Variants in ABCC6 observed in about 807,000 individuals in gnomAD.
The protein encoded by ABCC6 is ATP-binding cassette sub-family C member 6.
A neutral mutation model predicts 169.5 loss-of-function variants in ABCC6; 126 were observed. That is an observed-to-expected ratio of 0.74 (90% CI 0.64 to 0.86). The LOEUF is 0.86. ABCC6 is among the 40% of genes least tolerant of loss of function. The probability of loss-of-function intolerance (pLI) is 0.00; values close to 1 mark genes in which losing one functional copy is unlikely to be tolerated. For missense variants in ABCC6, 1,733 were observed against 1,927.2 expected (o/e 0.90, Z 1.89); for synonymous variants, 752 against 814.7 (o/e 0.92, Z 1.31).
At chr16:16,203,648 T>G in intron 7 of ABCC6, 35 bp from the exon 8 acceptor site, 1 of 1,611,636 alleles carries the variant, frequency 6.2e-7, no homozygotes, top group Non-Finnish European at 8.5e-7. Context: ...CTGGGTCCCA[T>G]TTTATACTCT....
At chr16:16,210,736 C>A (rs376988895) in intron 6 of ABCC6, among the ~76,000 whole-genome samples, 7,093 of 152,226 alleles carry the variant, frequency 0.047, 205 homozygotes, top group African/African-American at 0.084. Flanking sequence ...AGAGCTGTTT[C>A]GAAAACCTCT....
chr16:16,193,607 G>C (rs941641980), intron 10 of ABCC6, among the ~76,000 whole-genome samples: 2 of 152,120 alleles, frequency 1.3e-5, no homozygotes, highest in Non-Finnish European at 2.9e-5. Flanking sequence ...CCAGCTACTC[G>C]AGAGGCTGAG....
intron 23 of ABCC6, 51 bp from the exon 24 acceptor site, chr16:16,163,243 G>C: frequency 1.3e-6 from 2 of 1,571,334 alleles, no homozygotes; most frequent in Non-Finnish European, 1.7e-6. Flanking sequence ...GACATAGAGA[G>C]GTAGTTTCCA....
At chr16:16,151,620 G>A (rs1289950679) in intron 29 of ABCC6, among the ~76,000 whole-genome samples, 1 of 152,190 alleles carries the variant, frequency 6.6e-6, no homozygotes, top group Non-Finnish European at 1.5e-5. Flanking sequence ...TGCCTGGCCT[G>A]TTTATGGCTA....
At chr16:16,178,723 C>G in intron 18 of ABCC6, 75 bp downstream of exon 18, 1 of 1,565,010 alleles carries the variant, frequency 6.4e-7, no homozygotes, top group Non-Finnish European at 8.8e-7. Context: ...GTGAGATAAA[C>G]TTGGGTTAGG....
chr16:16,185,758 C>G (rs761218710), intron 14 of ABCC6, among the ~76,000 whole-genome samples: 1 of 148,360 alleles, frequency 6.7e-6, no homozygotes. Context: ...GCACTCCAGC[C>G]TGGATGACGG....
chr16:16,195,266 G>A (rs2047995107), intron 10 of ABCC6, among the ~76,000 whole-genome samples: 1 of 148,914 alleles, frequency 6.7e-6, no homozygotes, highest in South Asian at 2.1e-4. Context: ...AAAGTAACAT[G>A]GTGCATTATC....
chr16:16,161,354 G>T (rs759660760), intron 25 of ABCC6, 84 bp downstream of exon 25: 1 of 1,596,664 alleles, frequency 6.3e-7, no homozygotes, highest in Admixed American at 1.7e-5. Context: ...TGGACACAGG[G>T]TCTTCAAAGG....
intron 21 of ABCC6, among the ~76,000 whole-genome samples, chr16:16,171,615 T>C (rs2047072956): frequency 6.6e-6 from 1 of 151,996 alleles, no homozygotes; most frequent in African/African-American, 2.4e-5. Context: ...GATGGAAAGA[T>C]CAATGAATGG....
At chr16:16,193,059 G>GT in intron 10 of ABCC6, 137 bp from the exon 11 acceptor site, 1 of 706,160 alleles carries the variant, frequency 1.4e-6, no homozygotes. Context: ...TTCCCAGACG[G>GT]TTAGGGTATT....
chr16:16,209,716 G>A (rs996890133), intron 6 of ABCC6, among the ~76,000 whole-genome samples: 3 of 151,866 alleles, frequency 2.0e-5, no homozygotes, highest in Non-Finnish European at 2.9e-5. Context: ...CGATTCTCAC[G>A]CCTCAGCCTT....
chr16:16,178,908 T>C lies in ABCC6; in HGVS notation c.2305A>G (p.Arg769Gly). 1 of 1,613,764 alleles carries C rather than the reference T, an allele frequency of 6.2e-7. No individual in the cohort carries two copies. Among genetic ancestry groups the C allele is most frequent in the Non-Finnish European group, 8.5e-7 (1 of 1,180,024 alleles). The change falls in exon 18 of 31, where the codon AGA becomes GGA. Residue 769 changes from arginine (R) to glycine (G), a missense_variant. Arg to Gly is a moderately radical substitution (Grantham distance 125). This residue lies in a region of ABCC6 where 1,601 missense variants were observed against 1,635.5 expected (regional missense o/e 0.98). Coordinates refer to ENST00000205557, the MANE Select transcript of ABCC6 (RefSeq NM_001171.6). ...QRLSLARAVY[R>G]KAAVYLLDDP... ...TCCAGCAGGTACACAGCTGCCTTTC[T>C]GTATACAGCCCGGGCCAGGCTCAGC...
In ABCC6 at chr16:16,163,102, C is replaced by A. The variant is rs63749807; in HGVS notation, c.3397G>T (p.Gly1133Cys). Residue 1133 changes from glycine to cysteine, a missense_variant, in exon 24 of 31, where the codon GGC becomes TGC. This residue lies in a region of ABCC6 where 1,601 missense variants were observed against 1,635.5 expected (regional missense o/e 0.98). Coordinates refer to ENST00000205557, the MANE Select transcript of ABCC6 (RefSeq NM_001171.6). Reference sequence around the variant, plus strand: ...CGGAATGCCCGGACCACTGTGCTGCCCTGGAACGTCTCAGCCATGTGGGAG... The same window carrying A: ...CGGAATGCCCGGACCACTGTGCTGCACTGGAACGTCTCAGCCATGTGGGAG... ...VCSHMAETFQ[G>C]STVVRAFRTQ... The A allele has an allele frequency of 1.2e-6, 2 of 1,613,836 alleles. No homozygotes were observed.
At chr16:16,211,301 T>C (rs1271248308) in intron 6 of ABCC6, among the ~76,000 whole-genome samples, 1 of 151,854 alleles carries the variant, frequency 6.6e-6, no homozygotes, top group Non-Finnish European at 1.5e-5. Flanking sequence ...CTCGGGAGGC[T>C]GAGGCAGGAG....
chr16:16,190,229 C>T lies in ABCC6; in HGVS notation c.1570G>A (p.Ala524Thr), dbSNP rs143588929. Residue 524 changes from alanine to threonine, a missense_variant, in exon 12 of 31, where the codon GCC becomes ACC. Ala to Thr is a moderately conservative substitution (Grantham distance 58). This residue lies in a region of ABCC6 where 1,601 missense variants were observed against 1,635.5 expected (regional missense o/e 0.98). Transcript: ENST00000205557. ...AAGAGGAGGCCGGAGGTCCGCAAGG[C>T]GCCCAGCTCCTGGCCTCGGATGCCC... ...VLGIRGQELG[A>T]LRTSGLLFSV... The T allele has an allele frequency of 1.4e-5, 23 of 1,613,968 alleles. No homozygotes were observed. Among genetic ancestry groups the T allele is most frequent in the African/African-American group, 6.7e-5 (5 of 74,882 alleles).
At chr16:16,170,406 G>T (rs1198910295) in intron 21 of ABCC6, among the ~76,000 whole-genome samples, 1 of 151,936 alleles carries the variant, frequency 6.6e-6, no homozygotes, top group African/African-American at 2.4e-5. Context: ...AGCTAGAAGG[G>T]TTTTCTTGAA....
Position 16,183,080 on chromosome 16 carries a change from C to G in ABCC6, c.1944-150G>C, listed in dbSNP as rs982653404. ...GTTCTTTTTCCCAGTCCTTGTCTAG[C>G]TATTTGAGGAACTATCCTGTGCACA... On this transcript the variant is annotated intron_variant, in intron 15 of 30. Coordinates refer to ENST00000205557, the MANE Select transcript of ABCC6 (RefSeq NM_001171.6). 4.4e-5 allele frequency: 55 copies of G among 1,240,808 alleles called. 1 individual carries two copies. Among genetic ancestry groups the G allele is most frequent in the Non-Finnish European group, 5.9e-5 (51 of 860,026 alleles). The allele number at this position is 1,240,808 out of a possible 1,614,324, so 76.9% of individuals were successfully genotyped here.
chr16:16,164,577 T>A (rs1200878615), intron 23 of ABCC6, among the ~76,000 whole-genome samples: 1 of 152,120 alleles, frequency 6.6e-6, no homozygotes, highest in Non-Finnish European at 1.5e-5. Context: ...GAAGAAACGT[T>A]TTTTGCATGT....
chr16:16,183,076 C>A, intron 15 of ABCC6, 146 bp from the exon 16 acceptor site: 1 of 1,292,866 alleles, frequency 7.7e-7, no homozygotes. Context: ...CAGTCCTTGT[C>A]TAGCTATTTG....
Sources: gnomAD v4.1 joint callset for allele counts (sites outside exome capture counted in the v4.1 genomes callset) on GRCh38, gnomAD v4.1.1 for gene constraint, gnomAD v4.1.1 regional missense constraint, MANE v1.5 for transcripts, NCBI Gene and HGNC (gene_info 2026-07-23, HGNC 2026-07-21) for gene names.